C12orf42: variants seen among roughly 807,000 people sequenced by gnomAD.
The protein encoded by C12orf42 is chromosome 12 open reading frame 42, also known as uncharacterized protein C12orf42.
A neutral mutation model predicts 21.6 loss-of-function variants in C12orf42; 25 were observed. The ratio of observed to expected loss-of-function variants is 1.16; its 90% confidence interval spans 0.84 to 1.62. The LOEUF (loss-of-function observed/expected upper bound fraction) is 1.62. C12orf42 is among the 40% of genes most tolerant of loss of function. The pLI, the probability that C12orf42 is intolerant of heterozygous loss-of-function variation, is 0.00. For missense variants in C12orf42, 483 were observed against 459.3 expected (o/e 1.05, Z -0.47); for synonymous variants, 174 against 175.0 (o/e 0.99, Z 0.05).
intron 4 of C12orf42, among the ~76,000 whole-genome samples, chr12:103,291,759 G>A (rs12315113): frequency 0.083 from 12,680 of 152,144 alleles, 525 homozygotes; most frequent in East Asian, 0.19. Flanking sequence ...TGTAATTAGC[G>A]TATAATGAGC....
intron 4 of C12orf42, among the ~76,000 whole-genome samples, chr12:103,313,351 T>A (rs1038629014): frequency 1.3e-5 from 2 of 152,242 alleles, no homozygotes; most frequent in Admixed American, 6.5e-5. Context: ...GCTTTTTAGC[T>A]AACTGGGGAG....
the C12orf42 span, among the ~76,000 whole-genome samples, chr12:103,221,070 C>T: frequency 2.6e-5 from 4 of 152,186 alleles, no homozygotes; most frequent in Non-Finnish European, 5.9e-5. Context: ...TCTTCAGCAA[C>T]AGCTGAATGT....
chr12:103,473,247 AT>A (rs1480195555), intron 2 of C12orf42, among the ~76,000 whole-genome samples: 9 of 152,326 alleles, frequency 5.9e-5, no homozygotes, highest in Admixed American at 1.3e-4. Flanking sequence ...CCTGCCTCCT[AT>A]TTTTGTTATG....
intron 1 of C12orf42, 92 bp downstream of exon 1, chr12:103,495,810 G>T (rs1356620690): frequency 6.6e-6 from 1 of 152,194 alleles, no homozygotes; most frequent in East Asian, 1.9e-4. Flanking sequence ...CTTCTCACGG[G>T]CGCGGCTGGA....
At chr12:103,487,374 A>G (rs1050637484) in intron 1 of C12orf42, among the ~76,000 whole-genome samples, 12 of 152,204 alleles carry the variant, frequency 7.9e-5, no homozygotes, top group African/African-American at 2.9e-4. Flanking sequence ...TTTACTTCCA[A>G]TTATGTGATC....
the C12orf42 span, among the ~76,000 whole-genome samples, chr12:103,184,717 C>G: frequency 1.4e-5 from 2 of 138,328 alleles, no homozygotes; most frequent in African/African-American, 2.7e-5. Context: ...TGTCACCCCC[C>G]CCCCCCCAAA....
At chr12:103,177,604 G>A in the C12orf42 span, among the ~76,000 whole-genome samples, 1 of 152,138 alleles carries the variant, frequency 6.6e-6, no homozygotes, top group South Asian at 2.1e-4. Context: ...CCAGGGGCAC[G>A]GCCAGAAACT....
intron 4 of C12orf42, among the ~76,000 whole-genome samples, chr12:103,353,860 C>T (rs115680837): frequency 2.0e-5 from 3 of 152,248 alleles, no homozygotes; most frequent in African/African-American, 4.8e-5. Flanking sequence ...AGAGTCCTGT[C>T]GGCATCTGAA....
the C12orf42 span, among the ~76,000 whole-genome samples, chr12:103,118,846 A>G: frequency 1.3e-4 from 19 of 150,178 alleles, no homozygotes; most frequent in Non-Finnish European, 2.2e-4. Flanking sequence ...TAGATTTATG[A>G]ATTTATGGAA....
chr12:103,457,161 ATTAT>A (rs1014231255), intron 2 of C12orf42, among the ~76,000 whole-genome samples: 14 of 152,134 alleles, frequency 9.2e-5, no homozygotes, highest in African/African-American at 2.7e-4. Flanking sequence ...AAACACTGGA[ATTAT>A]TTATTTATTT....
At chr12:103,174,318 G>T in the C12orf42 span, among the ~76,000 whole-genome samples, 2 of 152,148 alleles carry the variant, frequency 1.3e-5, no homozygotes, top group Non-Finnish European at 2.9e-5. Flanking sequence ...GTGATTTTTT[G>T]AGAACAAAAG....
At chr12:103,331,669 T>G (rs539946843) in intron 4 of C12orf42, among the ~76,000 whole-genome samples, 1 of 152,310 alleles carries the variant, frequency 6.6e-6, no homozygotes, top group East Asian at 1.9e-4. Flanking sequence ...AACTGTGTCT[T>G]GAAGGACTGC....
chr12:103,382,646 C>A (rs1169069855), intron 3 of C12orf42, among the ~76,000 whole-genome samples: 1 of 152,200 alleles, frequency 6.6e-6, no homozygotes, highest in Non-Finnish European at 1.5e-5. Flanking sequence ...ATAAAGAGCA[C>A]GGTGCCTATT....
chr12:103,226,070 T>A, the C12orf42 span, among the ~76,000 whole-genome samples: 2 of 152,166 alleles, frequency 1.3e-5, no homozygotes, highest in Non-Finnish European at 2.9e-5. Context: ...CCCACACAGA[T>A]GGGACGTGGC....
rs34154888 is a variant in C12orf42, at chr12:103,341,112, CAAAAAAAAAAA to C, written c.259+27764_259+27774del. Among the ~76,000 whole-genome samples, 7 of 47,688 alleles carry C rather than the reference CAAAAAAAAAAA, an allele frequency of 1.5e-4. 2 individuals are homozygous for C. Among genetic ancestry groups the C allele is most frequent in the Admixed American group, 9.6e-4 (4 of 4,150 alleles). The allele number at this position is 47,688 out of a possible 152,430, so 31.3% of individuals were successfully genotyped here. On this transcript the variant is annotated intron_variant, in intron 4 of 5. Transcript: ENST00000548883. The stretch of plus-strand genomic sequence containing the variant: ...TGGGCAACAGAGCAAGACTCTGTCT[CAAAAAAAAAAA>C]AAAAAAAAAAAAGACACCACAATAA...
chr12:103,323,260 G>T (rs975154053), intron 4 of C12orf42, among the ~76,000 whole-genome samples: 1 of 152,050 alleles, frequency 6.6e-6, no homozygotes, highest in Admixed American at 6.6e-5. Context: ...CTCCCTTTCT[G>T]ACTTACGGCA....
the C12orf42 span, among the ~76,000 whole-genome samples, chr12:103,152,593 T>G: frequency 2.1e-3 from 317 of 152,262 alleles, 2 homozygotes; most frequent in African/African-American, 7.1e-3. Context: ...TACTAGACTA[T>G]CCAAAAAAAT....
intron 2 of C12orf42, among the ~76,000 whole-genome samples, chr12:103,432,723 G>A (rs111840393): frequency 6.6e-6 from 1 of 152,126 alleles, no homozygotes; most frequent in Admixed American, 6.5e-5. Flanking sequence ...GTACAGGTGG[G>A]TCCTAATCCA....
At chr12:103,511,441 T>G in the C12orf42 span, among the ~76,000 whole-genome samples, 2 of 151,862 alleles carry the variant, frequency 1.3e-5, no homozygotes, top group Non-Finnish European at 2.9e-5. Context: ...CATGCATATG[T>G]ATACCATGTG....
Sources: allele counts gnomAD v4.1 joint callset (sites outside exome capture counted in the v4.1 genomes callset), GRCh38; gene constraint gnomAD v4.1.1; transcripts MANE v1.5; gene names NCBI Gene and HGNC (gene_info 2026-07-23, HGNC 2026-07-21).